Variants in CCDC92B observed in about 807,000 individuals in gnomAD.
CCDC92B encodes the protein coiled-coil domain containing 92B, also known as coiled-coil domain-containing 92B.
Under a neutral mutation model 5.6 loss-of-function variants are expected in CCDC92B, and 2 were observed. The ratio of observed to expected loss-of-function variants is 0.36; its 90% CI spans 0.15 to 1.12. The LOEUF (loss-of-function observed/expected upper bound fraction) is 1.12. Among genes scored for constraint, CCDC92B ranks in the 50% most tolerant of loss-of-function variants. The pLI is 0.40. For missense variants in CCDC92B, 271 were observed against 262.2 expected, an observed-to-expected ratio of 1.03 and a Z score of -0.23; for synonymous variants, 115 against 122.3, an observed-to-expected ratio of 0.94 and a Z score of 0.39.
Position 2,739,321 on chromosome 17 carries a change from C to T in CCDC92B, c.-23-4153G>A, listed in dbSNP as rs185551383. On this transcript the variant is annotated intron_variant, in intron 1 of 3. Coordinates refer to ENST00000614400, the MANE Select transcript of CCDC92B (RefSeq NM_001355573.2). ...GTCAGAGGTTGCAGTGAGCTGAGAT[C>T]GCGCCATTGCACTCCAGCCTGGCGA... is the stretch of plus-strand genomic sequence containing the variant. 1.2e-4 allele frequency among the ~76,000 whole-genome samples: 18 copies of T among 150,328 alleles called. No homozygotes were observed. The East Asian group carries it at 2.0e-3, about 16-fold the overall frequency.
At chr17:2,735,268 AC>A in intron 1 of CCDC92B, 100 bp from the exon 2 acceptor site, 2 of 817,496 alleles carry the variant, frequency 2.4e-6, no homozygotes, top group Non-Finnish European at 3.0e-6. Flanking sequence ...TCCTGTTGCC[AC>A]CAGGAAGATG....
chr17:2,744,347 A>T (rs552319500), intron 1 of CCDC92B, among the ~76,000 whole-genome samples: 6 of 147,838 alleles, frequency 4.1e-5, no homozygotes, highest in African/African-American at 1.5e-4. Flanking sequence ...AATTTTTTTT[A>T]TTTTTATTTT....
intron 3 of CCDC92B, 86 bp from the exon 4 acceptor site, chr17:2,725,086 C>A (rs990390365): frequency 8.1e-6 from 8 of 985,338 alleles, no homozygotes; most frequent in Admixed American, 6.2e-5. Flanking sequence ...GTAACAAAAC[C>A]CCCAGGCCGG....
chr17:2,724,891 C>T lies in CCDC92B; in HGVS notation c.288G>A (p.Ala96=), dbSNP rs928370297. ...ELRREVAQRE[A]LVSALRCSLR... is the part of the protein sequence containing the mutation. ...GGCTGCAGCGCAGCGCGGACACCAG[C>T]GCCTCGCGCTGCGCCACCTCCCGCC... Residue 96 remains alanine, a synonymous_variant, in exon 4 of 4, where the codon GCG becomes GCA. Coordinates refer to ENST00000614400, the MANE Select transcript of CCDC92B (RefSeq NM_001355573.2). The surrounding 1 kb of genome is among the most constrained non-coding windows in gnomAD (Gnocchi z 5.0). The T allele has an allele frequency of 2.5e-5, 25 of 985,064 alleles. No individual in the cohort carries two copies. Among genetic ancestry groups the T allele is most frequent in the Non-Finnish European group, 2.7e-5 (22 of 829,828 alleles). The allele number at this position is 985,064 out of a possible 1,614,324, so 61.0% of individuals were successfully genotyped here.
At position 2,724,174 on chromosome 17, in the gene CCDC92B, G is replaced by T. The variant is rs559833889; in HGVS notation, c.*237C>A. On this transcript the variant is annotated 3_prime_UTR_variant, in exon 4 of 4. Coordinates refer to ENST00000614400, the MANE Select transcript of CCDC92B (RefSeq NM_001355573.2). The surrounding 1 kb of genome is among the most constrained non-coding windows in gnomAD (Gnocchi z 5.0). ...GGCGAGTCCTCTCGGTAGAGAAGGT[G>T]CCCCCGCTCGGCCCCGCGGAGGAAC... The T allele has an allele frequency of 9.1e-6, 9 of 985,404 alleles. No individual in the cohort carries two copies. Among genetic ancestry groups the T allele is most frequent in the East Asian group, 2.3e-4 (2 of 8,784 alleles). 61.0% of individuals were successfully genotyped at this position (985,404 alleles called of 1,614,324 possible). A position where few individuals can be genotyped will look rare whatever the true frequency, so the allele number is the denominator to read the frequency against.
chr17:2,748,238 AT>A, intron 1 of CCDC92B: 1 of 719,802 alleles, frequency 1.4e-6, no homozygotes, highest in East Asian at 5.4e-5. Flanking sequence ...CACTTACTAT[AT>A]CCACCCTATC....
intron 1 of CCDC92B, among the ~76,000 whole-genome samples, chr17:2,736,754 G>T (rs2070862440): frequency 6.6e-6 from 1 of 151,678 alleles, no homozygotes; most frequent in Non-Finnish European, 1.5e-5. Context: ...TGGGGCAGGT[G>T]CCTGTAATCT....
At chr17:2,727,517 A>G (rs2070742687) in intron 3 of CCDC92B, among the ~76,000 whole-genome samples, 1 of 152,182 alleles carries the variant, frequency 6.6e-6, no homozygotes, top group Admixed American at 6.5e-5. Context: ...AAGGATGAAA[A>G]TCACCAAGTG....
intron 1 of CCDC92B, chr17:2,748,469 C>T (rs2151747034): frequency 1.1e-6 from 1 of 950,696 alleles, no homozygotes; most frequent in Admixed American, 6.2e-5. Context: ...CCTGCACGCA[C>T]CTGGCTTCCG....
chr17:2,729,869 A>C (rs1406554415), intron 3 of CCDC92B, among the ~76,000 whole-genome samples: 2 of 152,168 alleles, frequency 1.3e-5, no homozygotes, highest in Non-Finnish European at 2.9e-5. Context: ...CTTTTGTAAA[A>C]TGCAGGATTT....
At chr17:2,729,260 G>A (rs2070768877) in intron 3 of CCDC92B, among the ~76,000 whole-genome samples, 1 of 152,136 alleles carries the variant, frequency 6.6e-6, no homozygotes, top group Non-Finnish European at 1.5e-5. Flanking sequence ...CAAGGCTGAG[G>A]CGGGTGGATC....
At chr17:2,748,033 C>T (rs1214730562) in intron 1 of CCDC92B, 3 of 480,438 alleles carry the variant, frequency 6.2e-6, no homozygotes, top group Non-Finnish European at 1.3e-5. Flanking sequence ...AACTACAGTG[C>T]CTGGCAACTA....
chr17:2,748,341 C>T (rs542616595), intron 1 of CCDC92B: 21 of 979,416 alleles, frequency 2.1e-5, no homozygotes, highest in African/African-American at 3.5e-5. Context: ...CAAGATGGAA[C>T]GACTCTCTCC....
intron 1 of CCDC92B, among the ~76,000 whole-genome samples, chr17:2,735,753 A>G (rs545681729): frequency 3.3e-5 from 5 of 152,240 alleles, no homozygotes; most frequent in East Asian, 3.9e-4. Context: ...AGCCTCTTCT[A>G]CTTCTCAAAC....
intron 2 of CCDC92B, among the ~76,000 whole-genome samples, chr17:2,731,965 T>C (rs1410535199): frequency 6.6e-6 from 1 of 152,220 alleles, no homozygotes; most frequent in Non-Finnish European, 1.5e-5. Flanking sequence ...TGAGGTCAGA[T>C]ACGCTGTGTG....
chr17:2,721,050 C>T lies in CCDC92B; in HGVS notation c.*3361G>A, dbSNP rs73976577. On this transcript the variant is annotated 3_prime_UTR_variant, in exon 4 of 4. Coordinates refer to ENST00000614400, the MANE Select transcript of CCDC92B (RefSeq NM_001355573.2). Reference sequence around the variant, plus strand: ...GTGCTTGGAGACCCCCGGCTCCCCGCGCTTCGAAGCTGCCCCACACCCTCT... The same window carrying T: ...GTGCTTGGAGACCCCCGGCTCCCCGTGCTTCGAAGCTGCCCCACACCCTCT... 0.049 allele frequency: 7,482 copies of T among 152,330 alleles called. 316 individuals are homozygous for T. The highest frequency in any genetic ancestry group is 0.11 in the African/African-American group (4,437 of 41,520). The allele number at this position is 152,330 out of a possible 1,614,324, so 9.4% of individuals were successfully genotyped here.
At position 2,737,465 on chromosome 17, in the gene CCDC92B, C is replaced by CTTTT. The variant is rs34254249; in HGVS notation, c.-23-2301_-23-2298dup. Among the ~76,000 whole-genome samples the CTTTT allele has an allele frequency of 2.2e-4, 13 of 60,352 alleles. 1 individual carries two copies. The highest frequency in any genetic ancestry group is 6.8e-4 in the African/African-American group (9 of 13,248). 39.6% of individuals were successfully genotyped at this position (60,352 alleles called of 152,430 possible). ...CCCTAATCCAACCAAATAGGCCTTTCTTTTTTTTTTTTTTTTTTTTTTTTT... is the reference window on the plus strand; with the variant it reads ...CCCTAATCCAACCAAATAGGCCTTTCTTTTTTTTTTTTTTTTTTTTTTTTTTTTT... On this transcript the variant is annotated intron_variant, in intron 1 of 3. Transcript: ENST00000614400.
intron 1 of CCDC92B, among the ~76,000 whole-genome samples, chr17:2,744,938 G>A (rs1056433718): frequency 3.3e-5 from 5 of 152,006 alleles, no homozygotes; most frequent in East Asian, 1.9e-4. Flanking sequence ...GCGTGGTGGC[G>A]TGTGCCTGTG....
At chr17:2,733,025 T>TAA (rs2070813390) in intron 2 of CCDC92B, among the ~76,000 whole-genome samples, 2 of 119,102 alleles carry the variant, frequency 1.7e-5, no homozygotes, top group African/African-American at 5.7e-5. Flanking sequence ...AATAAATAAA[T>TAA]AAATAAAAAT....
Sources: allele counts gnomAD v4.1 joint callset (sites outside exome capture counted in the v4.1 genomes callset), GRCh38; gene constraint gnomAD v4.1.1; non-coding constraint Gnocchi (gnomAD v3.1); transcripts MANE v1.5; gene names NCBI Gene and HGNC (gene_info 2026-07-23, HGNC 2026-07-21).